The following NRXN3 variants were observed in gnomAD, a reference collection of about 807,000 sequenced individuals.
NRXN3 encodes neurexin III.
Under a neutral mutation model 137.6 loss-of-function variants are expected in NRXN3, and 32 were observed. The ratio of observed to expected loss-of-function variants is 0.23; its 90% CI spans 0.18 to 0.31. The LOEUF is 0.31. NRXN3 is among the 10% of genes least tolerant of loss of function. The probability of loss-of-function intolerance (pLI) is 1.00; values close to 1 mark genes in which losing one functional copy is unlikely to be tolerated. For missense variants in NRXN3, 1,574 were observed against 2,062.5 expected, an observed-to-expected ratio of 0.76 and a Z score of 4.59; for synonymous variants, 798 against 784.5, an observed-to-expected ratio of 1.02 and a Z score of -0.29.
intron 4 of NRXN3, among the ~76,000 whole-genome samples, chr14:78,574,994 T>C (rs746595434): frequency 6.6e-6 from 1 of 152,222 alleles, no homozygotes; most frequent in Non-Finnish European, 1.5e-5. Flanking sequence ...GTGGAGACAA[T>C]TGAATCATGA....
intron 15 of NRXN3, among the ~76,000 whole-genome samples, chr14:79,235,768 GAAGC>G (rs1453234927): frequency 5.3e-5 from 8 of 152,078 alleles, no homozygotes; most frequent in Non-Finnish European, 1.0e-4. Context: ...AGATAATCAT[GAAGC>G]AAAATGATTA....
chr14:78,523,973 T>C (rs555788793), intron 4 of NRXN3, among the ~76,000 whole-genome samples: 1 of 152,262 alleles, frequency 6.6e-6, no homozygotes, highest in Non-Finnish European at 1.5e-5. Context: ...GTGCGTCCTT[T>C]CACTACAAAA....
chr14:78,823,696 G>T (rs2098957803), intron 10 of NRXN3, among the ~76,000 whole-genome samples: 1 of 152,204 alleles, frequency 6.6e-6, no homozygotes, highest in Non-Finnish European at 1.5e-5. Context: ...GTGATCAGGG[G>T]TAAAGGGAAC....
intron 15 of NRXN3, among the ~76,000 whole-genome samples, chr14:79,269,169 C>T (rs1211954631): frequency 6.6e-6 from 1 of 152,164 alleles, no homozygotes; most frequent in Non-Finnish European, 1.5e-5. Context: ...CCTGCCTCAG[C>T]CTCCCAAGTA....
At chr14:78,433,724 T>G (rs960973234) in intron 4 of NRXN3, among the ~76,000 whole-genome samples, 12 of 152,172 alleles carry the variant, frequency 7.9e-5, no homozygotes, top group African/African-American at 2.9e-4. Flanking sequence ...TGTGGGCTCC[T>G]TGACCTTGGA....
chr14:78,407,256 T>G (rs1338164571), intron 4 of NRXN3, among the ~76,000 whole-genome samples: 1 of 152,124 alleles, frequency 6.6e-6, no homozygotes, highest in Non-Finnish European at 1.5e-5. Flanking sequence ...AAAAAAATAC[T>G]GCACTAGGAG....
At chr14:78,723,503 G>A (rs997638279) in intron 8 of NRXN3, among the ~76,000 whole-genome samples, 1 of 152,168 alleles carries the variant, frequency 6.6e-6, no homozygotes, top group East Asian at 1.9e-4. Context: ...GAGGAGTGGG[G>A]AGGACTGTGG....
chr14:78,493,018 C>T (rs1298808061), intron 4 of NRXN3, among the ~76,000 whole-genome samples: 2 of 152,128 alleles, frequency 1.3e-5, no homozygotes, highest in Non-Finnish European at 2.9e-5. Flanking sequence ...TCTGGTTCTG[C>T]ATAGAAAGTC....
At chr14:79,835,108 T>C (rs560034400) in intron 20 of NRXN3, among the ~76,000 whole-genome samples, 16 of 152,264 alleles carry the variant, frequency 1.1e-4, no homozygotes, top group Admixed American at 7.9e-4. Context: ...AGAGATCTAT[T>C]GCACAACATG....
At chr14:78,548,791 C>T (rs1340964296) in intron 4 of NRXN3, among the ~76,000 whole-genome samples, 4 of 152,154 alleles carry the variant, frequency 2.6e-5, no homozygotes, top group Non-Finnish European at 4.4e-5. Context: ...GCTCTCTGCA[C>T]GTTCCCATCA....
At chr14:79,442,275 T>C (rs1480884247) in intron 15 of NRXN3, among the ~76,000 whole-genome samples, 1 of 152,174 alleles carries the variant, frequency 6.6e-6, no homozygotes, top group Non-Finnish European at 1.5e-5. Flanking sequence ...GCAATAAAAA[T>C]AGAGTCTCAG....
chr14:79,169,622 C>A (rs934261528), intron 15 of NRXN3, among the ~76,000 whole-genome samples: 9 of 152,148 alleles, frequency 5.9e-5, no homozygotes, highest in Non-Finnish European at 1.2e-4. Flanking sequence ...GCCTTCAGGT[C>A]TCCTCTCATC....
chr14:78,396,783 A>G (rs2091500412), intron 4 of NRXN3, among the ~76,000 whole-genome samples: 1 of 152,022 alleles, frequency 6.6e-6, no homozygotes, highest in Non-Finnish European at 1.5e-5. Context: ...GGAAGTTCTG[A>G]TATGTTATTG....
rs563278547 is a variant in NRXN3, at chr14:78,477,761, A to C, written c.758-167359A>C. ...CCTACTATTAATTAAAAAGGATAAA[A>C]GCAGAAAGTTGCAGGCAATAACAAG... is the stretch of plus-strand genomic sequence containing the variant. On this transcript the variant is annotated intron_variant, in intron 4 of 20. Transcript: ENST00000335750. 4.6e-5 allele frequency among the ~76,000 whole-genome samples: 7 copies of C among 152,372 alleles called. No homozygotes were observed. In the South Asian group the frequency reaches 1.4e-3, roughly 32 times the overall value.
chr14:78,658,339 T>A (rs988019170), intron 6 of NRXN3, among the ~76,000 whole-genome samples: 2 of 152,224 alleles, frequency 1.3e-5, no homozygotes, highest in South Asian at 4.1e-4. Flanking sequence ...AGACAGAGAC[T>A]AATACTGATT....
chr14:79,840,264 T>G (rs1378503584), intron 20 of NRXN3, among the ~76,000 whole-genome samples: 1 of 152,156 alleles, frequency 6.6e-6, no homozygotes, highest in African/African-American at 2.4e-5. Context: ...CATGAGTCCC[T>G]TGGGGAACTT....
intron 4 of NRXN3, among the ~76,000 whole-genome samples, chr14:78,624,039 T>G (rs1566915727): frequency 1.3e-5 from 2 of 152,252 alleles, no homozygotes; most frequent in Admixed American, 1.3e-4. Flanking sequence ...ATGAACATGA[T>G]GACTTGATTA....
intron 19 of NRXN3, among the ~76,000 whole-genome samples, chr14:79,705,107 C>T (rs576250872): frequency 2.5e-4 from 38 of 152,194 alleles, no homozygotes; most frequent in African/African-American, 7.9e-4. Flanking sequence ...GTAATATTTA[C>T]AGGATGGAAT....
chr14:79,585,698 A>AAAAC (rs1359821948), intron 16 of NRXN3, among the ~76,000 whole-genome samples: 4 of 151,022 alleles, frequency 2.6e-5, no homozygotes, highest in Non-Finnish European at 5.9e-5. Context: ...AAAAAACAAA[A>AAAAC]AAAAAAAAAA....
Sources: allele counts gnomAD v4.1 joint callset (sites outside exome capture counted in the v4.1 genomes callset), GRCh38; gene constraint gnomAD v4.1.1; transcripts MANE v1.5; gene names NCBI Gene and HGNC (gene_info 2026-07-23, HGNC 2026-07-21).